The following RTN4RL2 variants were observed in gnomAD, a reference collection of about 807,000 sequenced individuals.
RTN4RL2 encodes reticulon 4 receptor like 2, also known as reticulon-4 receptor-like 2.
A neutral mutation model predicts 27.8 loss-of-function variants in RTN4RL2; 9 were observed. The ratio of observed to expected loss-of-function variants is 0.32; its 90% confidence interval spans 0.20 to 0.57. RTN4RL2 has a LOEUF of 0.57. Ranked by LOEUF, RTN4RL2 falls within the 20% of genes least tolerant of loss-of-function variation. The pLI is 0.90. For synonymous variants in RTN4RL2, 285 were observed against 297.9 expected (o/e 0.96, Z 0.45); for missense variants, 436 against 596.8 (o/e 0.73, Z 2.81).
chr11:57,468,024 C>T lies in RTN4RL2; in HGVS notation c.447C>T (p.Asn149=), dbSNP rs1184995882. ...GCCAGCTCAGCAGCCTGCCCGGCAA[C>T]ATCTTCCGAGGCCTGGTCAGCCTGC... ...YRCQLSSLPG[N]IFRGLVSLQY... Residue 149 remains asparagine (N), a synonymous_variant, in exon 2 of 3, where the codon AAC becomes AAT. Transcript: ENST00000335099. 2.5e-6 allele frequency: 4 copies of T among 1,601,258 alleles called. No homozygotes were observed. The African/African-American group carries it at 4.0e-5, about 16-fold the overall frequency.
rs563261155 is a variant in RTN4RL2, at chr11:57,477,167, A to C, written c.*256A>C. 69 of 378,180 alleles carry C rather than the reference A, an allele frequency of 1.8e-4. No individual in the cohort carries two copies. The highest frequency in any genetic ancestry group is 2.1e-4 in the East Asian group (5 of 24,262). 23.4% of individuals were successfully genotyped at this position (378,180 alleles called of 1,614,324 possible). A position where few individuals can be genotyped will look rare whatever the true frequency, so the allele number is the denominator to read the frequency against. On this transcript the variant is annotated 3_prime_UTR_variant, in exon 3 of 3. Coordinates refer to ENST00000335099, the MANE Select transcript of RTN4RL2 (RefSeq NM_178570.3). ...CAGTTCTGGCCATTAACTCTTCCCC[A>C]TCCCAAGGCTGGGGTGGGGCCCCCC... is the stretch of plus-strand genomic sequence containing the variant.
In RTN4RL2 at chr11:57,468,066, G is replaced by A; in HGVS notation, c.489G>A (p.Gln163=). The A allele has an allele frequency of 6.3e-7, 1 of 1,596,964 alleles. No individual in the cohort carries two copies. ...TCAGCCTGCAGTACCTCTACCTCCA[G>A]GAGAACAGCCTGCTCCACCTACAGG... The part of the protein sequence containing the change: ...GLVSLQYLYL[Q]ENSLLHLQDD... The change falls in exon 2 of 3, where the codon CAG becomes CAA. Residue 163 remains glutamine, a synonymous_variant. Coordinates refer to ENST00000335099, the MANE Select transcript of RTN4RL2 (RefSeq NM_178570.3).
At position 57,469,403 on chromosome 11, in the gene RTN4RL2, GC is replaced by G. The variant is rs1391760069; in HGVS notation, c.513+1315del. ...GTGGGTACACAGGGTCAGCCACAGTGCCAAGCACTTTATAGGTATCCACTCT... is the reference window on the plus strand; with the variant it reads ...GTGGGTACACAGGGTCAGCCACAGTGCAAGCACTTTATAGGTATCCACTCT... On this transcript the variant is annotated intron_variant, in intron 2 of 2. Coordinates refer to ENST00000335099, the MANE Select transcript of RTN4RL2 (RefSeq NM_178570.3). Among the ~76,000 whole-genome samples the G allele has an allele frequency of 3.3e-5, 5 of 152,098 alleles. No homozygotes were observed. In the East Asian group the frequency reaches 9.6e-4, roughly 29 times the overall value.
chr11:57,468,682 G>A (rs1286331498), intron 2 of RTN4RL2: 5 of 1,536,180 alleles, frequency 3.3e-6, no homozygotes, highest in Non-Finnish European at 3.5e-6. Flanking sequence ...AGAAAGTTGC[G>A]CTTCTCTCCA....
At position 57,467,583 on chromosome 11, in the gene RTN4RL2, G is replaced by A; in HGVS notation, c.32-26G>A. On this transcript the variant is annotated intron_variant, in intron 1 of 2. Transcript: ENST00000335099. The surrounding 1 kb of genome is among the most constrained non-coding windows in gnomAD (Gnocchi z 5.5). The stretch of plus-strand genomic sequence containing the variant: ...CACTCCTGCCCTGGAAGCCCACCTA[G>A]TAAGTTCTGCTTCCCCTCCCCACAG... 1 of 1,579,282 alleles carries A rather than the reference G, an allele frequency of 6.3e-7. No individual in the cohort carries two copies. Among genetic ancestry groups the A allele is most frequent in the South Asian group, 1.2e-5 (1 of 85,372 alleles).
intron 2 of RTN4RL2, chr11:57,468,475 T>A: frequency 8.0e-7 from 1 of 1,243,456 alleles, no homozygotes; most frequent in Non-Finnish European, 1.1e-6. Context: ...CCACTCCGCA[T>A]ACACCCCCAT....
At position 57,476,125 on chromosome 11, in the gene RTN4RL2, C is replaced by T; in HGVS notation, c.514-37C>T. ...CGGGGTCTGCACCCTACCTCAGGCC[C>T]ATTCTCTTCTTCTGTGCCCCACTCC... On this transcript the variant is annotated intron_variant, in intron 2 of 2. Transcript: ENST00000335099. This position sits in a 1 kb window ranked among gnomAD's most constrained non-coding sequence, Gnocchi z 8.2. 1.3e-6 allele frequency: 2 copies of T among 1,570,962 alleles called. No homozygotes were observed. The highest frequency in any genetic ancestry group is 2.7e-5 in the African/African-American group (2 of 74,138).
chr11:57,473,653 G>A (rs1186033210), intron 2 of RTN4RL2, among the ~76,000 whole-genome samples: 1 of 151,964 alleles, frequency 6.6e-6, no homozygotes, highest in Non-Finnish European at 1.5e-5. Flanking sequence ...ATAGAGAACG[G>A]TTTTAACAGT....
Position 57,476,410 on chromosome 11 carries a change from G to A in RTN4RL2, c.762G>A (p.Glu254=). 6.2e-7 allele frequency: 1 copy of A among 1,601,400 alleles called. No homozygotes were observed. Among genetic ancestry groups the A allele is most frequent in the Non-Finnish European group, 8.5e-7 (1 of 1,178,368 alleles). ...CGCTCGCCGACCTGCCCTCGCTCGA[G>A]TTCCTGCGGCTCAACGCTAACCCCT... is the stretch of plus-strand genomic sequence containing the variant. ...GEALADLPSL[E]FLRLNANPWA... Residue 254 remains glutamate, a synonymous_variant, in exon 3 of 3, where the codon GAG becomes GAA. Coordinates refer to ENST00000335099, the MANE Select transcript of RTN4RL2 (RefSeq NM_178570.3). This position sits in a 1 kb window ranked among gnomAD's most constrained non-coding sequence, Gnocchi z 8.2.
In RTN4RL2 at chr11:57,476,915, C is replaced by T; in HGVS notation, c.*4C>T. On this transcript the variant is annotated 3_prime_UTR_variant, in exon 3 of 3. Coordinates refer to ENST00000335099, the MANE Select transcript of RTN4RL2 (RefSeq NM_178570.3). The surrounding 1 kb of genome is among the most constrained non-coding windows in gnomAD (Gnocchi z 8.2). ...CCTGGTGCCCCACCACCTCTGACTG[C>T]GGTGCTGAGATCGAAGAGGCCAGTG... The T allele has an allele frequency of 6.4e-7, 1 of 1,559,954 alleles. No individual in the cohort carries two copies. Among genetic ancestry groups the T allele is most frequent in the Non-Finnish European group, 8.6e-7 (1 of 1,161,826 alleles).
At chr11:57,472,399 C>T (rs552560256) in intron 2 of RTN4RL2, among the ~76,000 whole-genome samples, 69 of 151,946 alleles carry the variant, frequency 4.5e-4, no homozygotes, top group Non-Finnish European at 8.5e-4. Context: ...TTTATAGAGA[C>T]GGGGTTTCAC....
chr11:57,476,143 C>T lies in RTN4RL2; in HGVS notation c.514-19C>T. Reference sequence around the variant, plus strand: ...TCAGGCCCATTCTCTTCTTCTGTGCCCCACTCCACCCCACCCAGGATGACT... The same window carrying T: ...TCAGGCCCATTCTCTTCTTCTGTGCTCCACTCCACCCCACCCAGGATGACT... On this transcript the variant is annotated intron_variant, in intron 2 of 2. Coordinates refer to ENST00000335099, the MANE Select transcript of RTN4RL2 (RefSeq NM_178570.3). This position sits in a 1 kb window ranked among gnomAD's most constrained non-coding sequence, Gnocchi z 8.2. The T allele has an allele frequency of 1.9e-6, 3 of 1,588,506 alleles. No homozygotes were observed. Among genetic ancestry groups the T allele is most frequent in the South Asian group, 2.3e-5 (2 of 86,694 alleles).
intron 2 of RTN4RL2, chr11:57,468,902 CTGTT>C (rs1422987393): frequency 1.6e-5 from 13 of 814,614 alleles, no homozygotes; most frequent in East Asian, 5.3e-5. Flanking sequence ...GTTATGCTGA[CTGTT>C]TGACACGCAA....
intron 2 of RTN4RL2, among the ~76,000 whole-genome samples, chr11:57,475,777 C>A (rs1943591627): frequency 6.6e-6 from 1 of 152,168 alleles, no homozygotes. Flanking sequence ...TTCACCAAAC[C>A]AGAAGTTCTG....
At position 57,476,686 on chromosome 11, in the gene RTN4RL2, C is replaced by T; in HGVS notation, c.1038C>T (p.Thr346=). Residue 346 remains threonine (T), a synonymous_variant, in exon 3 of 3, where the codon ACC becomes ACT. Transcript: ENST00000335099. The surrounding 1 kb of genome is among the most constrained non-coding windows in gnomAD (Gnocchi z 8.2). ...GGGCGCCCCCAGCCGATCCCTCCAC[C>T]CTCTACCGAGATCTGCCTGCCGAAG... ...EAGAPPADPS[T]LYRDLPAEDS... 7.0e-7 allele frequency: 1 copy of T among 1,438,332 alleles called. No individual in the cohort carries two copies. The highest frequency in any genetic ancestry group is 9.0e-7 in the Non-Finnish European group (1 of 1,105,358). 89.1% of individuals were successfully genotyped at this position (1,438,332 alleles called of 1,614,324 possible).
In RTN4RL2 at chr11:57,468,004, C is replaced by G; in HGVS notation, c.427C>G (p.Leu143Val). 1.2e-6 allele frequency: 2 copies of G among 1,603,770 alleles called. No homozygotes were observed. The highest frequency in any genetic ancestry group is 1.7e-6 in the Non-Finnish European group (2 of 1,179,982). ...GTCGCTGCATTTGTACCGCTGCCAG[C>G]TCAGCAGCCTGCCCGGCAACATCTT... ...LQSLHLYRCQ[L>V]SSLPGNIFRG... The change falls in exon 2 of 3, where the codon CTC (leucine) becomes GTC (valine). Residue 143 changes from leucine (L) to valine (V), a missense_variant. Leu to Val is a conservative substitution (Grantham distance 32). Around this residue, in one of 3 missense-constraint regions of RTN4RL2, gnomAD observed 365 missense variants for 530.5 expected, o/e 0.69. Coordinates refer to ENST00000335099, the MANE Select transcript of RTN4RL2 (RefSeq NM_178570.3).
intron 2 of RTN4RL2, among the ~76,000 whole-genome samples, chr11:57,470,382 A>G (rs1225764450): frequency 3.3e-5 from 5 of 152,014 alleles, no homozygotes; most frequent in Non-Finnish European, 7.4e-5. Flanking sequence ...TGAGTAACTA[A>G]GATTACAGGC....
At chr11:57,468,228 G>GTC in intron 2 of RTN4RL2, 138 bp downstream of exon 2, 1 of 938,950 alleles carries the variant, frequency 1.1e-6, no homozygotes, top group Non-Finnish European at 1.6e-6. Context: ...ATTTCTCTCT[G>GTC]TCTATGTCTC....
rs369015603 is a variant in RTN4RL2 at position 57,471,167 on chromosome 11, T to C, written c.513+3077T>C. Reference sequence around the variant, plus strand: ...AGGAGAATCACTTGAACCTGGGAGGTGGAGGTTGCAGTGAGCTGAGATCGT... The same window carrying C: ...AGGAGAATCACTTGAACCTGGGAGGCGGAGGTTGCAGTGAGCTGAGATCGT... On this transcript the variant is annotated intron_variant, in intron 2 of 2. Coordinates refer to ENST00000335099, the MANE Select transcript of RTN4RL2 (RefSeq NM_178570.3). 7.6e-5 allele frequency among the ~76,000 whole-genome samples: 11 copies of C among 144,494 alleles called. No individual in the cohort carries two copies. In the East Asian group the frequency reaches 2.0e-3, roughly 27 times the overall value. The allele number at this position is 144,494 out of a possible 152,430, so 94.8% of individuals were successfully genotyped here.
Sources: gnomAD v4.1 joint callset for allele counts (sites outside exome capture counted in the v4.1 genomes callset) on GRCh38, gnomAD v4.1.1 for gene constraint, gnomAD v4.1.1 regional missense constraint, Gnocchi (gnomAD v3.1) non-coding constraint, MANE v1.5 for transcripts, NCBI Gene and HGNC (gene_info 2026-07-23, HGNC 2026-07-21) for gene names.